Variants in CDH9 observed in about 807,000 individuals in gnomAD.
CDH9 encodes cadherin-9.
Under a neutral mutation model 70.9 loss-of-function variants are expected in CDH9, and 28 were observed. That is an observed-to-expected ratio of 0.40 (90% CI 0.29 to 0.54). The LOEUF is 0.54. Ranked by LOEUF, CDH9 falls within the 20% of genes least tolerant of loss-of-function variation. The pLI, the probability that CDH9 is intolerant of heterozygous loss-of-function variation, is 0.59. For missense variants in CDH9, 874 were observed against 984.4 expected, an observed-to-expected ratio of 0.89 and a Z score of 1.50; for synonymous variants, 409 against 343.1, an observed-to-expected ratio of 1.19 and a Z score of -2.12.
At chr5:26,905,928 T>G (rs753710716) in intron 5 of CDH9, 31 bp downstream of exon 5, 1 of 1,579,124 alleles carries the variant, frequency 6.3e-7, no homozygotes, top group Non-Finnish European at 8.7e-7. Context: ...TGAGAAGTTT[T>G]TGGACATGAG....
chr5:26,891,343 A>T (rs1055779036), intron 7 of CDH9, among the ~76,000 whole-genome samples: 1 of 152,186 alleles, frequency 6.6e-6, no homozygotes, highest in African/African-American at 2.4e-5. Context: ...ATTATCCCTG[A>T]TTATCAAGGT....
chr5:26,998,399 T>C (rs1046447601), intron 1 of CDH9, among the ~76,000 whole-genome samples: 7 of 151,956 alleles, frequency 4.6e-5, no homozygotes, highest in African/African-American at 1.7e-4. Flanking sequence ...TATGCAGCCA[T>C]AAAAAATGAT....
rs1740873945 is a variant in CDH9, at chr5:26,902,538, C to T, written c.1191G>A (p.Lys397=). 1 of 1,598,366 alleles carries T rather than the reference C, an allele frequency of 6.3e-7. No individual in the cohort carries two copies. Among genetic ancestry groups the T allele is most frequent in the Non-Finnish European group, 8.6e-7 (1 of 1,166,096 alleles). The change falls in exon 7 of 12, where the codon AAG becomes AAA. Residue 397 remains lysine (K), a synonymous_variant. Coordinates refer to ENST00000231021, the MANE Select transcript of CDH9 (RefSeq NM_016279.4). The part of the protein sequence containing the change: ...SYLIEVDEDV[K]EGSIIGQVTA... Reference sequence around the variant, plus strand: ...TAACCTGTCCAATGATACTGCCCTCCTTTACATCTTCATCTACTTCTATCA... The same window carrying T: ...TAACCTGTCCAATGATACTGCCCTCTTTTACATCTTCATCTACTTCTATCA...
intron 5 of CDH9, among the ~76,000 whole-genome samples, chr5:26,905,066 T>C (rs1456836918): frequency 6.6e-6 from 1 of 152,082 alleles, no homozygotes; most frequent in Non-Finnish European, 1.5e-5. Flanking sequence ...TGTCCACCAA[T>C]CAAAGATCAA....
Position 26,881,023 on chromosome 5 carries a change from T to C in CDH9, c.*113A>G, listed in dbSNP as rs1197714406. 14 of 933,784 alleles carry C rather than the reference T, an allele frequency of 1.5e-5. No individual in the cohort carries two copies. The highest frequency in any genetic ancestry group is 2.3e-5 in the Non-Finnish European group (14 of 617,568). 57.8% of individuals were successfully genotyped at this position (933,784 alleles called of 1,614,324 possible). On this transcript the variant is annotated 3_prime_UTR_variant, in exon 12 of 12. Coordinates refer to ENST00000231021, the MANE Select transcript of CDH9 (RefSeq NM_016279.4). ...ATCCCTACTTGACAACATCTACGTA[T>C]TGTTTGTAACTTCAATTTTTGAAAG...
In CDH9 at chr5:26,886,072, A is replaced by G; in HGVS notation, c.1524T>C (p.Thr508=). Residue 508 remains threonine, a synonymous_variant, in exon 10 of 12, where the codon ACT becomes ACC. Coordinates refer to ENST00000231021, the MANE Select transcript of CDH9 (RefSeq NM_016279.4). ...GGTCATCCTTATCCATGACACTGAC[A>G]GTCTGAATCAACTGAAACCAAAATT... is the stretch of plus-strand genomic sequence containing the variant. ...ENAKPGQLIQ[T]VSVMDKDDPP... is the part of the protein sequence containing the mutation. 1 of 1,591,918 alleles carries G rather than the reference A, an allele frequency of 6.3e-7. No homozygotes were observed. Among genetic ancestry groups the G allele is most frequent in the Non-Finnish European group, 8.5e-7 (1 of 1,174,348 alleles).
At chr5:26,930,274 T>A (rs2112022994) in intron 2 of CDH9, among the ~76,000 whole-genome samples, 1 of 152,262 alleles carries the variant, frequency 6.6e-6, no homozygotes, top group Admixed American at 6.6e-5. Flanking sequence ...TTGTTTGTTA[T>A]AAGTTTATGG....
intron 2 of CDH9, among the ~76,000 whole-genome samples, chr5:26,965,575 T>TAAC (rs1742115213): frequency 1.4e-5 from 1 of 73,782 alleles, no homozygotes; most frequent in Non-Finnish European, 2.6e-5. Context: ...GACTCTGTCT[T>TAAC]AATAATAATA....
chr5:26,949,742 A>T (rs1167933862), intron 2 of CDH9, among the ~76,000 whole-genome samples: 1 of 152,218 alleles, frequency 6.6e-6, no homozygotes, highest in Non-Finnish European at 1.5e-5. Context: ...CATGATGAAA[A>T]AGTCTTGCTT....
At chr5:26,956,829 C>T (rs776580574) in intron 2 of CDH9, among the ~76,000 whole-genome samples, 3 of 152,124 alleles carry the variant, frequency 2.0e-5, no homozygotes, top group Non-Finnish European at 2.9e-5. Flanking sequence ...ACAGATTAGA[C>T]TGACACTCCC....
At chr5:26,963,749 A>G (rs1446740973) in intron 2 of CDH9, among the ~76,000 whole-genome samples, 2 of 152,126 alleles carry the variant, frequency 1.3e-5, no homozygotes, top group Non-Finnish European at 2.9e-5. Flanking sequence ...AAAAAGATAC[A>G]TCATTTCAAT....
At chr5:26,900,629 T>C (rs1260425934) in intron 7 of CDH9, among the ~76,000 whole-genome samples, 1 of 152,150 alleles carries the variant, frequency 6.6e-6, no homozygotes, top group Non-Finnish European at 1.5e-5. Context: ...AGCAATAACA[T>C]GTTTCATCAT....
chr5:26,948,081 T>A (rs1741784623), intron 2 of CDH9, among the ~76,000 whole-genome samples: 1 of 152,162 alleles, frequency 6.6e-6, no homozygotes, highest in South Asian at 2.1e-4. Flanking sequence ...CACAGACTTT[T>A]AGGCTATAGC....
At chr5:26,904,726 A>G (rs1360756917) in intron 5 of CDH9, among the ~76,000 whole-genome samples, 1 of 152,066 alleles carries the variant, frequency 6.6e-6, no homozygotes. Context: ...TTGAATTCTG[A>G]CCACCTGGCC....
At chr5:26,987,908 TA>T (rs766223288) in intron 2 of CDH9, among the ~76,000 whole-genome samples, 197 bp downstream of exon 2, 4 of 152,108 alleles carry the variant, frequency 2.6e-5, no homozygotes, top group Non-Finnish European at 5.9e-5. Context: ...AGTTTACGCT[TA>T]TTATTGACAT....
intron 2 of CDH9, among the ~76,000 whole-genome samples, chr5:26,955,827 A>G (rs1281891849): frequency 6.6e-6 from 1 of 152,186 alleles, no homozygotes; most frequent in Admixed American, 6.5e-5. Context: ...GAACATCAGT[A>G]TAGGATAGTG....
At chr5:26,909,941 A>G (rs1264293040) in intron 3 of CDH9, among the ~76,000 whole-genome samples, 2 of 151,882 alleles carry the variant, frequency 1.3e-5, no homozygotes, top group East Asian at 1.9e-4. Context: ...ATTCATCAAT[A>G]TAATTATTAT....
chr5:26,960,513 A>G (rs1164534547), intron 2 of CDH9, among the ~76,000 whole-genome samples: 1 of 152,022 alleles, frequency 6.6e-6, no homozygotes, highest in Non-Finnish European at 1.5e-5. Flanking sequence ...TCAGAGTTCA[A>G]TTAGAAAACA....
intron 6 of CDH9, 87 bp downstream of exon 6, chr5:26,903,550 T>C (rs1325705706): frequency 1.1e-5 from 10 of 884,596 alleles, no homozygotes; most frequent in African/African-American, 1.6e-5. Context: ...TGGGGGAAAA[T>C]AAATCCCAGG....
Sources: allele counts gnomAD v4.1 joint callset (sites outside exome capture counted in the v4.1 genomes callset), GRCh38; gene constraint gnomAD v4.1.1; transcripts MANE v1.5; gene names NCBI Gene and HGNC (gene_info 2026-07-23, HGNC 2026-07-21).